The following NIPBL variants were observed in gnomAD, a reference collection of about 807,000 sequenced individuals.
The protein encoded by NIPBL is NIPBL cohesin loading factor, also known as nipped-B-like protein.
NIPBL carries 19 observed loss-of-function variants against 321.8 expected under a neutral mutation model. The ratio of observed to expected loss-of-function variants is 0.06; its 90% CI spans 0.04 to 0.09. NIPBL has a LOEUF of 0.09. Ranked by LOEUF, NIPBL falls within the 10% of genes least tolerant of loss-of-function variation. The pLI, the probability that NIPBL is intolerant of heterozygous loss-of-function variation, is 1.00. For synonymous variants in NIPBL, 1,106 were observed against 1,114.1 expected (o/e 0.99, Z 0.14); for missense variants, 2,210 against 3,327.0 (o/e 0.66, Z 8.26).
intron 1 of NIPBL, among the ~76,000 whole-genome samples, chr5:36,914,528 A>G (rs1212207780): frequency 6.6e-6 from 1 of 152,222 alleles, no homozygotes; most frequent in Non-Finnish European, 1.5e-5. Context: ...AAAGTATTAG[A>G]GATATTGTAT....
chr5:37,057,439 A>C, intron 43 of NIPBL, 107 bp downstream of exon 43: 3 of 1,138,322 alleles, frequency 2.6e-6, no homozygotes, highest in Non-Finnish European at 3.8e-6. Context: ...CGAGTATATA[A>C]AATCTTTCTA....
At chr5:37,058,352 C>CCA (rs146088092) in intron 43 of NIPBL, among the ~76,000 whole-genome samples, 7 of 151,850 alleles carry the variant, frequency 4.6e-5, no homozygotes, top group African/African-American at 1.7e-4. Flanking sequence ...ATAATGTGCC[C>CCA]CACACACACA....
At chr5:37,024,166 CA>C (rs34509147) in intron 29 of NIPBL, among the ~76,000 whole-genome samples, 21,509 of 138,176 alleles carry the variant, frequency 0.16, 1,676 homozygotes, top group East Asian at 0.31. Flanking sequence ...AACTCCATCC[CA>C]AAAAAAAAAA....
At chr5:36,980,554 G>C (rs1454411757) in intron 9 of NIPBL, among the ~76,000 whole-genome samples, 1 of 151,552 alleles carries the variant, frequency 6.6e-6, no homozygotes, top group African/African-American at 2.4e-5. Flanking sequence ...TAGATACACA[G>C]ATGCTTACCA....
intron 1 of NIPBL, among the ~76,000 whole-genome samples, chr5:36,887,396 A>G (rs753922704): frequency 2.0e-5 from 3 of 152,234 alleles, no homozygotes; most frequent in Admixed American, 1.3e-4. Flanking sequence ...TATAGTGAAT[A>G]ACAGTCACAG....
In NIPBL at chr5:37,010,307, A is replaced by C. The variant is rs964583106; in HGVS notation, c.4560+82A>C. 71 of 1,225,280 alleles carry C rather than the reference A, an allele frequency of 5.8e-5. No individual in the cohort carries two copies. In the Middle Eastern group the frequency reaches 1.0e-3, roughly 18 times the overall value. 75.9% of individuals were successfully genotyped at this position (1,225,280 alleles called of 1,614,324 possible). A position where few individuals can be genotyped will look rare whatever the true frequency, so the allele number is the denominator to read the frequency against. ...TTCTCTGTCATTCTTATAAAACTGAAGTTCTTTTTTTTTCTTTCTTTTTTT... is the reference window on the plus strand; with the variant it reads ...TTCTCTGTCATTCTTATAAAACTGACGTTCTTTTTTTTTCTTTCTTTTTTT... On this transcript the variant is annotated intron_variant, in intron 21 of 46. Transcript: ENST00000282516.
intron 10 of NIPBL, among the ~76,000 whole-genome samples, chr5:36,990,572 A>G (rs1482627363): frequency 1.3e-5 from 2 of 152,200 alleles, no homozygotes; most frequent in African/African-American, 4.8e-5. Context: ...CAGTTTCTGT[A>G]AAGATTGATA....
intron 15 of NIPBL, 142 bp from the exon 16 acceptor site, chr5:37,003,119 A>G (rs1747013413): frequency 8.9e-6 from 5 of 562,820 alleles, no homozygotes; most frequent in Non-Finnish European, 1.6e-5. Flanking sequence ...TAGAAGTTCT[A>G]AGTGGGAAAG....
At chr5:36,956,685 T>C (rs1740997589) in intron 3 of NIPBL, among the ~76,000 whole-genome samples, 1 of 135,172 alleles carries the variant, frequency 7.4e-6, no homozygotes, top group African/African-American at 2.8e-5. Context: ...AGTGCAGTGG[T>C]GCGATCTCGG....
At chr5:37,030,249 A>G (rs902543545) in intron 32 of NIPBL, among the ~76,000 whole-genome samples, 1 of 152,126 alleles carries the variant, frequency 6.6e-6, no homozygotes, top group Non-Finnish European at 1.5e-5. Flanking sequence ...TATCCATCCT[A>G]TTCATGCTCT....
At chr5:36,966,958 GA>G (rs1197936971) in intron 6 of NIPBL, among the ~76,000 whole-genome samples, 1 of 151,370 alleles carries the variant, frequency 6.6e-6, no homozygotes, top group Non-Finnish European at 1.5e-5. Context: ...GTAGAAATGA[GA>G]AAAAAAGATT....
intron 1 of NIPBL, among the ~76,000 whole-genome samples, chr5:36,932,159 C>G (rs1168655959): frequency 6.6e-6 from 1 of 152,086 alleles, no homozygotes; most frequent in Non-Finnish European, 1.5e-5. Context: ...ATTTCATGGT[C>G]CAGCATGTGA....
intron 1 of NIPBL, chr5:36,886,024 G>T: frequency 1.4e-6 from 1 of 716,682 alleles, no homozygotes; most frequent in Non-Finnish European, 2.6e-6. Context: ...GGTCTCAGCA[G>T]ATTGAGGAGA....
At chr5:36,879,165 T>G (rs996875018) in intron 1 of NIPBL, among the ~76,000 whole-genome samples, 30 of 152,352 alleles carry the variant, frequency 2.0e-4, no homozygotes, top group African/African-American at 7.2e-4. Flanking sequence ...TAAACATATT[T>G]TTACTAAAGA....
At chr5:37,058,790 T>C in intron 43 of NIPBL, 101 bp from the exon 44 acceptor site, 1 of 980,398 alleles carries the variant, frequency 1.0e-6, no homozygotes. Context: ...GTTTATAAAA[T>C]ATTAGTTTAA....
At chr5:37,001,217 T>C (rs910492341) in intron 14 of NIPBL, 139 bp downstream of exon 14, 3 of 650,422 alleles carry the variant, frequency 4.6e-6, no homozygotes, top group African/African-American at 3.6e-5. Context: ...TTGCTGACAA[T>C]GATAAACTTT....
In NIPBL at chr5:37,044,742, C is replaced by T. The variant is rs765803834; in HGVS notation, c.6343+13C>T. On this transcript the variant is annotated intron_variant, in intron 36 of 46. Coordinates refer to ENST00000282516, the MANE Select transcript of NIPBL (RefSeq NM_133433.4). ...AATAGATACTATGGTAAGTTCAATA[C>T]CAGGGTTTTAAAATTATTCTGCTAG... 3.2e-6 allele frequency: 5 copies of T among 1,580,802 alleles called. No homozygotes were observed. The highest frequency in any genetic ancestry group is 4.3e-6 in the Non-Finnish European group (5 of 1,149,818).
At chr5:36,933,827 T>C (rs1312168594) in intron 1 of NIPBL, among the ~76,000 whole-genome samples, 1 of 152,078 alleles carries the variant, frequency 6.6e-6, no homozygotes, top group African/African-American at 2.4e-5. Context: ...TTTTTGTGGA[T>C]CTGTTTTGGA....
chr5:36,978,330 C>T (rs901331767), intron 9 of NIPBL, among the ~76,000 whole-genome samples: 1 of 151,984 alleles, frequency 6.6e-6, no homozygotes, highest in African/African-American at 2.4e-5. Flanking sequence ...GTTTAATTTG[C>T]ATTTCTCTGA....
Sources: gnomAD v4.1 joint callset for allele counts (sites outside exome capture counted in the v4.1 genomes callset) on GRCh38, gnomAD v4.1.1 for gene constraint, MANE v1.5 for transcripts, NCBI Gene and HGNC (gene_info 2026-07-23, HGNC 2026-07-21) for gene names.